EFEMP1: variants seen among roughly 807,000 people sequenced by gnomAD.
The protein encoded by EFEMP1 is EGF-like fibulin extracellular matrix protein 1.
EFEMP1 carries 18 observed loss-of-function variants against 65.7 expected under a neutral mutation model. That is an observed-to-expected ratio of 0.27 (90% confidence interval 0.19 to 0.41). EFEMP1 has a LOEUF of 0.41. EFEMP1 is among the 10% of genes least tolerant of loss of function. The pLI is 1.00. For synonymous variants in EFEMP1, 237 were observed against 219.7 expected, an observed-to-expected ratio of 1.08 and a Z score of -0.70; for missense variants, 469 against 624.8, an observed-to-expected ratio of 0.75 and a Z score of 2.66.
At position 55,922,402 on chromosome 2, in the gene EFEMP1, C is replaced by T; in HGVS notation, c.39G>A (p.Ala13=). ...CTTCGGTGTCCTGTGACTTGACCAG[C>T]GCCAGAGTCAGCATAGTTAGGAAAA... ...KALFLTMLTL[A]LVKSQDTEET... Residue 13 remains alanine (A), a synonymous_variant, in exon 3 of 12, where the codon GCG becomes GCA. Coordinates refer to ENST00000355426, the MANE Select transcript of EFEMP1 (RefSeq NM_001039348.3). This position sits in a 1 kb window ranked among gnomAD's most constrained non-coding sequence, Gnocchi z 5.5. The T allele has an allele frequency of 6.2e-7, 1 of 1,613,880 alleles. No homozygotes were observed. Among genetic ancestry groups the T allele is most frequent in the Admixed American group, 1.7e-5 (1 of 60,006 alleles).
Position 55,871,551 on chromosome 2 carries a change from G to T in EFEMP1, c.1001-428C>A, listed in dbSNP as rs1315028086. 2.0e-5 allele frequency among the ~76,000 whole-genome samples: 3 copies of T among 152,086 alleles called. No individual in the cohort carries two copies. The highest frequency in any genetic ancestry group is 7.2e-5 in the African/African-American group (3 of 41,424). ...ATGTGGAGCAGAGTTGGGTAATTTTGCCAGGGGGATTAGGGAAGGCTGAAG... is the reference window on the plus strand; with the variant it reads ...ATGTGGAGCAGAGTTGGGTAATTTTTCCAGGGGGATTAGGGAAGGCTGAAG... On this transcript the variant is annotated intron_variant, in intron 9 of 11. Transcript: ENST00000355426. The surrounding 1 kb of genome is among the most constrained non-coding windows in gnomAD (Gnocchi z 4.2).
rs1237401018 is a variant in EFEMP1, at chr2:55,877,690, T to C, written c.760+56A>G. Reference sequence around the variant, plus strand: ...ATAGAAAACTGGAAATACTGCAACATGGCATGGGGTTTCCTTTTGTGAAGA... The same window carrying C: ...ATAGAAAACTGGAAATACTGCAACACGGCATGGGGTTTCCTTTTGTGAAGA... On this transcript the variant is annotated intron_variant, in intron 7 of 11. Coordinates refer to ENST00000355426, the MANE Select transcript of EFEMP1 (RefSeq NM_001039348.3). This position sits in a 1 kb window ranked among gnomAD's most constrained non-coding sequence, Gnocchi z 4.5. 1.1e-5 allele frequency: 17 copies of C among 1,610,390 alleles called. No homozygotes were observed. Among genetic ancestry groups the C allele is most frequent in the East Asian group, 2.2e-5 (1 of 44,760 alleles).
Position 55,867,089 on chromosome 2 carries a change from C to T in EFEMP1, c.1466G>A (p.Gly489Glu), listed in dbSNP as rs1172929989. Residue 489 changes from glycine (G) to glutamate (E), a missense_variant, in exon 12 of 12, where the codon GGG becomes GAG. Coordinates refer to ENST00000355426, the MANE Select transcript of EFEMP1 (RefSeq NM_001039348.3). This position sits in a 1 kb window ranked among gnomAD's most constrained non-coding sequence, Gnocchi z 4.3. The part of the protein sequence containing the change: ...SSVLRLTIIV[G>E]PFSF ...TAGAAAAGACTAAAATGAAAATGGC[C>T]CCACTATTATTGTCAATCTTAACAC... 1.2e-6 allele frequency: 2 copies of T among 1,612,598 alleles called. No individual in the cohort carries two copies. The highest frequency in any genetic ancestry group is 1.7e-6 in the Non-Finnish European group (2 of 1,179,844).
rs981666406 is a variant in EFEMP1, at chr2:55,877,734, C to T, written c.760+12G>A. ...GTGAAGACAGAAATCAGCAAGTTCT[C>T]AAAAGGCTTACCTACGCAGGTATAG... is the stretch of plus-strand genomic sequence containing the variant. On this transcript the variant is annotated intron_variant, in intron 7 of 11. Coordinates refer to ENST00000355426, the MANE Select transcript of EFEMP1 (RefSeq NM_001039348.3). This position sits in a 1 kb window ranked among gnomAD's most constrained non-coding sequence, Gnocchi z 4.5. 6.2e-7 allele frequency: 1 copy of T among 1,612,702 alleles called. No individual in the cohort carries two copies. Among genetic ancestry groups the T allele is most frequent in the African/African-American group, 1.3e-5 (1 of 74,968 alleles).
chr2:55,918,628 C>A (rs1287497190), intron 3 of EFEMP1, among the ~76,000 whole-genome samples: 1 of 149,276 alleles, frequency 6.7e-6, no homozygotes, highest in Non-Finnish European at 1.5e-5. Context: ...AAAAAAAAGA[C>A]CAAATTCTCT....
chr2:55,867,919 G>A lies in EFEMP1; in HGVS notation c.1321-685C>T, dbSNP rs1299347275. ...GGAGGGAGATGAGGTTGGAGAGGCA[G>A]GTAAGTGGATGTGTGAGTTTGAATG... On this transcript the variant is annotated intron_variant, in intron 11 of 11. Transcript: ENST00000355426. This position sits in a 1 kb window ranked among gnomAD's most constrained non-coding sequence, Gnocchi z 4.3. Among the ~76,000 whole-genome samples the A allele has an allele frequency of 6.6e-6, 1 of 152,120 alleles. No homozygotes were observed. The highest frequency in any genetic ancestry group is 1.5e-5 in the Non-Finnish European group (1 of 68,024).
chr2:55,905,906 T>C (rs1199198508), intron 5 of EFEMP1, among the ~76,000 whole-genome samples: 1 of 152,202 alleles, frequency 6.6e-6, no homozygotes, highest in African/African-American at 2.4e-5. Context: ...GTTGGTTTAC[T>C]GGAAACTAAT....
At chr2:55,900,620 T>TATTTATAAA (rs1669995829) in intron 5 of EFEMP1, among the ~76,000 whole-genome samples, 1 of 152,076 alleles carries the variant, frequency 6.6e-6, no homozygotes, top group East Asian at 1.9e-4. Context: ...AACTTTGCTT[T>TATTTATAAA]GGATTTTAGT....
At chr2:55,900,416 C>T (rs953761297) in intron 5 of EFEMP1, among the ~76,000 whole-genome samples, 4 of 152,148 alleles carry the variant, frequency 2.6e-5, no homozygotes, top group African/African-American at 9.6e-5. Context: ...ATTTATCCCA[C>T]AACCCACTCA....
intron 5 of EFEMP1, 84 bp from the exon 6 acceptor site, chr2:55,881,818 T>G (rs1669254324): frequency 1.3e-6 from 2 of 1,525,264 alleles, no homozygotes; most frequent in Non-Finnish European, 9.1e-7. Context: ...TTAAGCTAAA[T>G]TTTTACTTTA....
chr2:55,887,834 A>C (rs954282657), intron 5 of EFEMP1, among the ~76,000 whole-genome samples: 1 of 152,204 alleles, frequency 6.6e-6, no homozygotes, highest in Non-Finnish European at 1.5e-5. Flanking sequence ...GTGTCCTAGA[A>C]GCCCTTGGCA....
chr2:55,921,710 A>T lies in EFEMP1; in HGVS notation c.81+650T>A, dbSNP rs1670911082. 6.6e-6 allele frequency among the ~76,000 whole-genome samples: 1 copy of T among 152,222 alleles called. No individual in the cohort carries two copies. Among genetic ancestry groups the T allele is most frequent in the African/African-American group, 2.4e-5 (1 of 41,454 alleles). On this transcript the variant is annotated intron_variant, in intron 3 of 11. Transcript: ENST00000355426. This position sits in a 1 kb window ranked among gnomAD's most constrained non-coding sequence, Gnocchi z 4.1. ...TTGGTTACACCTATGCAACTAACTA[A>T]TCAAATATTACTTGGAAATATCAGA...
At chr2:55,920,685 C>G (rs1005732438) in intron 3 of EFEMP1, among the ~76,000 whole-genome samples, 2 of 152,226 alleles carry the variant, frequency 1.3e-5, no homozygotes, top group African/African-American at 4.8e-5. Context: ...TAAGCCTAGA[C>G]TGAGTTTAGC....
At chr2:55,868,846 T>C (rs1043569979) in intron 11 of EFEMP1, among the ~76,000 whole-genome samples, 4 of 152,160 alleles carry the variant, frequency 2.6e-5, no homozygotes, top group African/African-American at 9.7e-5. Context: ...ACCGAATTAA[T>C]TAACCTAACT....
intron 5 of EFEMP1, among the ~76,000 whole-genome samples, chr2:55,914,622 C>T (rs575069544): frequency 2.9e-4 from 44 of 152,106 alleles, no homozygotes; most frequent in Middle Eastern, 3.4e-3. Flanking sequence ...TTAAAATGTC[C>T]TGAGTTTTAG....
intron 9 of EFEMP1, among the ~76,000 whole-genome samples, chr2:55,874,235 A>C (rs1668934710): frequency 6.6e-6 from 1 of 150,612 alleles, no homozygotes; most frequent in Admixed American, 6.6e-5. Flanking sequence ...CTTTTCCAGG[A>C]TTTTCTACGT....
intron 5 of EFEMP1, among the ~76,000 whole-genome samples, chr2:55,889,190 C>T (rs186727118): frequency 6.6e-5 from 10 of 152,326 alleles, no homozygotes; most frequent in Admixed American, 1.3e-4. Context: ...CTGACTATGG[C>T]AGTGCCAATT....
At chr2:55,914,333 G>C (rs966287551) in intron 5 of EFEMP1, among the ~76,000 whole-genome samples, 1 of 152,232 alleles carries the variant, frequency 6.6e-6, no homozygotes, top group South Asian at 2.1e-4. Context: ...TGCTCACTGT[G>C]ACCTGATCTT....
Position 55,922,322 on chromosome 2 carries a change from G to A in EFEMP1, c.81+38C>T. 6.3e-7 allele frequency: 1 copy of A among 1,595,444 alleles called. No individual in the cohort carries two copies. Among genetic ancestry groups the A allele is most frequent in the Non-Finnish European group, 8.6e-7 (1 of 1,163,448 alleles). ...AAGTCTTTTTTTGTCACAGAATCCC[G>A]CTGAACCGTACTTATTTCAAATTCC... On this transcript the variant is annotated intron_variant, in intron 3 of 11. Transcript: ENST00000355426. The surrounding 1 kb of genome is among the most constrained non-coding windows in gnomAD (Gnocchi z 5.5).
Sources: gnomAD v4.1 joint callset for allele counts (sites outside exome capture counted in the v4.1 genomes callset) on GRCh38, gnomAD v4.1.1 for gene constraint, Gnocchi (gnomAD v3.1) non-coding constraint, MANE v1.5 for transcripts, NCBI Gene and HGNC (gene_info 2026-07-23, HGNC 2026-07-21) for gene names.